HPSE2: variants seen among roughly 807,000 people sequenced by gnomAD.
HPSE2 encodes inactive heparanase-2.
A neutral mutation model predicts 60.5 loss-of-function variants in HPSE2; 38 were observed. That is an observed-to-expected ratio of 0.63 (90% CI 0.48 to 0.82). HPSE2 has a LOEUF of 0.82. Ranked by LOEUF, HPSE2 falls within the 40% of genes least tolerant of loss-of-function variation. HPSE2 has a pLI of 0.00. For missense variants in HPSE2, 713 were observed against 740.4 expected (o/e 0.96, Z 0.43); for synonymous variants, 295 against 293.2 (o/e 1.01, Z -0.06).
At chr10:99,245,746 A>G in the HPSE2 span, among the ~76,000 whole-genome samples, 1 of 152,222 alleles carries the variant, frequency 6.6e-6, no homozygotes, top group Admixed American at 6.5e-5. Flanking sequence ...AAATATGTAT[A>G]TTCCCTAAGA....
chr10:98,762,578 G>A lies in HPSE2; in HGVS notation c.611-18522C>T, dbSNP rs139524871. ...GAAATGTGATAAAACCATGGGCCAAGTCCCAAACTAATTTCTGAGTGGTAC... is the reference window on the plus strand; with the variant it reads ...GAAATGTGATAAAACCATGGGCCAAATCCCAAACTAATTTCTGAGTGGTAC... On this transcript the variant is annotated intron_variant, in intron 3 of 11. Transcript: ENST00000370552. Among the ~76,000 whole-genome samples, 4 of 152,212 alleles carry A rather than the reference G, an allele frequency of 2.6e-5. No homozygotes were observed. The East Asian group carries it at 7.7e-4, about 29-fold the overall frequency.
intron 3 of HPSE2, among the ~76,000 whole-genome samples, chr10:98,834,653 T>TGCATGGAATCAGCTAG: frequency 1.3e-5 from 2 of 152,160 alleles, no homozygotes; most frequent in Non-Finnish European, 2.9e-5. Context: ...TCTCAAAGTG[T>TGCATGGAATCAGCTAG]AGTCTAAGAA....
the HPSE2 span, among the ~76,000 whole-genome samples, chr10:99,241,272 A>C: frequency 6.6e-6 from 1 of 151,860 alleles, no homozygotes; most frequent in African/African-American, 2.4e-5. Context: ...AAACAACAAC[A>C]AAAAAAACCT....
chr10:98,501,232 A>G (rs1942020054), intron 9 of HPSE2, among the ~76,000 whole-genome samples: 1 of 152,156 alleles, frequency 6.6e-6, no homozygotes, highest in Non-Finnish European at 1.5e-5. Flanking sequence ...CCAGGAAAGA[A>G]CATAACCAAA....
At chr10:98,514,711 GTTTT>G (rs35977879) in intron 9 of HPSE2, among the ~76,000 whole-genome samples, 34,810 of 67,514 alleles carry the variant, frequency 0.52, 7,200 homozygotes, top group East Asian at 0.7. Context: ...TATATACTTT[GTTTT>G]TTTTTTTTTT....
intron 2 of HPSE2, among the ~76,000 whole-genome samples, chr10:99,215,093 T>C (rs1448131924): frequency 6.6e-6 from 1 of 152,152 alleles, no homozygotes; most frequent in Non-Finnish European, 1.5e-5. Flanking sequence ...ACTGGGTATA[T>C]ACCCAGAGGA....
chr10:98,572,461 T>A (rs1944524247), intron 9 of HPSE2, among the ~76,000 whole-genome samples: 1 of 152,042 alleles, frequency 6.6e-6, no homozygotes, highest in South Asian at 2.1e-4. Flanking sequence ...TAATTTTCTC[T>A]CCTTCCTGAC....
chr10:99,206,790 C>T (rs971759467), intron 2 of HPSE2, among the ~76,000 whole-genome samples: 4 of 151,430 alleles, frequency 2.6e-5, no homozygotes, highest in Admixed American at 6.6e-5. Context: ...AATAGAGAGC[C>T]TCAACAGCAG....
chr10:98,912,373 A>T (rs1447063426), intron 3 of HPSE2, among the ~76,000 whole-genome samples: 1 of 152,190 alleles, frequency 6.6e-6, no homozygotes, highest in East Asian at 1.9e-4. Context: ...TTGGCTAAAG[A>T]TTCTCCATTC....
intron 5 of HPSE2, among the ~76,000 whole-genome samples, chr10:98,713,562 AG>A (rs1183945431): frequency 6.6e-6 from 1 of 151,968 alleles, no homozygotes; most frequent in African/African-American, 2.4e-5. Flanking sequence ...TCTGAAAGTA[AG>A]ATGCTGTGGT....
intron 9 of HPSE2, among the ~76,000 whole-genome samples, chr10:98,611,383 G>A (rs1945754352): frequency 6.6e-6 from 1 of 152,224 alleles, no homozygotes; most frequent in Non-Finnish European, 1.5e-5. Flanking sequence ...TGGGCAGGGG[G>A]AGGGGTAAAA....
At chr10:98,542,569 G>A (rs1375707252) in intron 9 of HPSE2, among the ~76,000 whole-genome samples, 1 of 151,854 alleles carries the variant, frequency 6.6e-6, no homozygotes, top group African/African-American at 2.4e-5. Context: ...CAAAGAAGTT[G>A]AAAACTTTGA....
intron 3 of HPSE2, among the ~76,000 whole-genome samples, chr10:98,806,261 A>G (rs1195784078): frequency 6.6e-6 from 1 of 152,228 alleles, no homozygotes; most frequent in Non-Finnish European, 1.5e-5. Context: ...CATCAGGTCC[A>G]GTTCCCTCAG....
intron 9 of HPSE2, among the ~76,000 whole-genome samples, chr10:98,549,656 C>T (rs1016719361): frequency 6.6e-6 from 1 of 152,194 alleles, no homozygotes; most frequent in African/African-American, 2.4e-5. Context: ...TCTTTTTCAT[C>T]ACTAGTAGAC....
At chr10:98,921,067 T>C (rs570747682) in intron 3 of HPSE2, among the ~76,000 whole-genome samples, 1 of 152,316 alleles carries the variant, frequency 6.6e-6, no homozygotes, top group South Asian at 2.1e-4. Flanking sequence ...CTGGTTCTAC[T>C]AGGTGCTCAA....
intron 3 of HPSE2, chr10:99,013,873 G>A: frequency 2.7e-6 from 1 of 373,630 alleles, no homozygotes; most frequent in Non-Finnish European, 5.5e-6. Context: ...AGTTTTCCCT[G>A]CACTATCCAG....
At chr10:98,733,186 C>A (rs1223320996) in intron 4 of HPSE2, among the ~76,000 whole-genome samples, 2 of 151,978 alleles carry the variant, frequency 1.3e-5, no homozygotes, top group Non-Finnish European at 1.5e-5. Flanking sequence ...AGTGGTGCGA[C>A]CTTGGCTCAC....
At chr10:98,734,944 T>C (rs1051513606) in intron 4 of HPSE2, among the ~76,000 whole-genome samples, 2 of 151,496 alleles carry the variant, frequency 1.3e-5, no homozygotes, top group Non-Finnish European at 3.0e-5. Flanking sequence ...TTCCCATTAT[T>C]ATCTTGCCTT....
At chr10:98,848,656 G>A (rs892915140) in intron 3 of HPSE2, among the ~76,000 whole-genome samples, 17 of 152,182 alleles carry the variant, frequency 1.1e-4, no homozygotes, top group East Asian at 1.9e-4. Flanking sequence ...CTGAGGCCAT[G>A]GAAATGAGTG....
Sources: allele counts gnomAD v4.1 joint callset (sites outside exome capture counted in the v4.1 genomes callset), GRCh38; gene constraint gnomAD v4.1.1; transcripts MANE v1.5; gene names NCBI Gene and HGNC (gene_info 2026-07-23, HGNC 2026-07-21).